Variants in PPP6R2 observed in about 807,000 individuals in gnomAD.
PPP6R2 encodes the protein serine/threonine-protein phosphatase 6 regulatory subunit 2.
In PPP6R2, 62 loss-of-function variants were observed where a neutral mutation model predicts 100.2. The ratio of observed to expected loss-of-function variants is 0.62; its 90% confidence interval spans 0.50 to 0.76. PPP6R2 has a LOEUF of 0.76. PPP6R2 is among the 30% of genes least tolerant of loss of function. The probability of loss-of-function intolerance (pLI) is 0.00; values close to 1 mark genes in which losing one functional copy is unlikely to be tolerated. For synonymous variants in PPP6R2, 525 were observed against 514.7 expected (o/e 1.02, Z -0.27); for missense variants, 1,142 against 1,276.3 (o/e 0.89, Z 1.60).
intron 1 of PPP6R2, among the ~76,000 whole-genome samples, chr22:50,363,442 CT>C (rs2048171535): frequency 6.6e-6 from 1 of 152,194 alleles, no homozygotes; most frequent in Non-Finnish European, 1.5e-5. Context: ...AGCAAGCTTC[CT>C]TTTTTTCCCT....
intron 2 of PPP6R2, among the ~76,000 whole-genome samples, chr22:50,392,954 A>T (rs1411812773): frequency 1.3e-5 from 2 of 152,252 alleles, no homozygotes; most frequent in Admixed American, 1.3e-4. Flanking sequence ...TATAATTTTT[A>T]AAATGTTTCA....
Position 50,440,838 on chromosome 22 carries a change from A to G in PPP6R2, c.2391A>G (p.Pro797=). Reference sequence around the variant, plus strand: ...ACTTTGCAGTCAGCCCGGCTTCTCCATGTGCCTGGAACGTGTGTGTCACCA... The same window carrying G: ...ACTTTGCAGTCAGCCCGGCTTCTCCGTGTGCCTGGAACGTGTGTGTCACCA... ...GPEKAFSPAS[P]CAWNVCVTRK... Residue 797 remains proline, a synonymous_variant, in exon 22 of 24, where the codon CCA becomes CCG. Transcript: ENST00000612753. 6.2e-7 allele frequency: 1 copy of G among 1,613,550 alleles called. No individual in the cohort carries two copies. Among genetic ancestry groups the G allele is most frequent in the Non-Finnish European group, 8.5e-7 (1 of 1,179,986 alleles).
intron 2 of PPP6R2, among the ~76,000 whole-genome samples, chr22:50,374,599 T>C (rs1360287642): frequency 2.0e-5 from 3 of 152,148 alleles, no homozygotes; most frequent in African/African-American, 7.2e-5. Flanking sequence ...AATCACAATA[T>C]GTCCCAATCA....
intron 2 of PPP6R2, among the ~76,000 whole-genome samples, chr22:50,389,414 GA>G: frequency 6.6e-6 from 1 of 151,902 alleles, no homozygotes; most frequent in Non-Finnish European, 1.5e-5. Flanking sequence ...AGAAAACTTG[GA>G]AAAAAGAAGT....
intron 13 of PPP6R2, among the ~76,000 whole-genome samples, chr22:50,435,428 G>T (rs1365916648): frequency 6.6e-6 from 1 of 152,232 alleles, no homozygotes; most frequent in Non-Finnish European, 1.5e-5. Context: ...GCCTGGCTAG[G>T]CTGTCCTGGC....
At chr22:50,425,456 T>TG (rs2147913258) in intron 10 of PPP6R2, among the ~76,000 whole-genome samples, 1 of 152,326 alleles carries the variant, frequency 6.6e-6, no homozygotes, top group Admixed American at 6.5e-5. Flanking sequence ...GCTGTATATG[T>TG]GGGTGTACAA....
At chr22:50,364,094 A>C (rs1305230178) in intron 1 of PPP6R2, among the ~76,000 whole-genome samples, 4 of 151,862 alleles carry the variant, frequency 2.6e-5, no homozygotes, top group Non-Finnish European at 5.9e-5. Context: ...ACGGGGTTGC[A>C]CCATGTTAAC....
At chr22:50,422,177 G>A in intron 8 of PPP6R2, 77 bp from the exon 9 acceptor site, 1 of 1,545,516 alleles carries the variant, frequency 6.5e-7, no homozygotes, top group Non-Finnish European at 8.8e-7. Flanking sequence ...TCTGGAAGAA[G>A]CGGGTGCACT....
chr22:50,372,162 T>G lies in PPP6R2; in HGVS notation c.-17+12T>G, dbSNP rs2050349140. ...GATTTCCACAGAAGGTAAGATAAGT[T>G]TCTTTTTCAATTTGATTCTGTTTTA... On this transcript the variant is annotated intron_variant, in intron 2 of 23. Coordinates refer to ENST00000612753, the MANE Select transcript of PPP6R2 (RefSeq NM_001242898.2). 6.6e-6 allele frequency: 1 copy of G among 152,230 alleles called. No individual in the cohort carries two copies. Among genetic ancestry groups the G allele is most frequent in the African/African-American group, 2.4e-5 (1 of 41,460 alleles). 9.4% of individuals were successfully genotyped at this position (152,230 alleles called of 1,614,324 possible). A position where few individuals can be genotyped will look rare whatever the true frequency, so the allele number is the denominator to read the frequency against.
upstream of PPP6R2, among the ~76,000 whole-genome samples, chr22:50,340,593 TGTGTGTG>T (rs1007554885): frequency 3.4e-5 from 4 of 118,334 alleles, no homozygotes; most frequent in African/African-American, 4.1e-5. Flanking sequence ...GTGTGGTGTG[TGTGTGTG>T]GTGTGTGGTG....
At chr22:50,417,136 C>T (rs941249677) in intron 6 of PPP6R2, among the ~76,000 whole-genome samples, 4 of 152,140 alleles carry the variant, frequency 2.6e-5, no homozygotes, top group Non-Finnish European at 5.9e-5. Context: ...TCACAAAATA[C>T]AGTCATCTCA....
Position 50,365,693 on chromosome 22 carries a change from A to T in PPP6R2, c.-147-6327A>T, listed in dbSNP as rs1427874696. On this transcript the variant is annotated intron_variant, in intron 1 of 23. Coordinates refer to ENST00000612753, the MANE Select transcript of PPP6R2 (RefSeq NM_001242898.2). ...GACTCTGTCTCAAAAAAAAAAAAAA[A>T]AGAACCATTTAAATGTCCTTATCAA... 2.6e-5 allele frequency among the ~76,000 whole-genome samples: 4 copies of T among 151,238 alleles called. No homozygotes were observed. The East Asian group carries it at 7.9e-4, about 30-fold the overall frequency.
At chr22:50,353,496 C>T (rs1027423583) in intron 1 of PPP6R2, among the ~76,000 whole-genome samples, 2 of 152,008 alleles carry the variant, frequency 1.3e-5, no homozygotes, top group Non-Finnish European at 2.9e-5. Flanking sequence ...CAAACATCAC[C>T]GATAACAGGT....
At chr22:50,419,128 G>A (rs1364279810) in intron 7 of PPP6R2, 149 bp downstream of exon 7, 1 of 779,034 alleles carries the variant, frequency 1.3e-6, no homozygotes, top group Non-Finnish European at 2.1e-6. Context: ...TGTTAACTTG[G>A]GGCCTGTTTC....
chr22:50,435,714 G>A (rs1261140551), intron 13 of PPP6R2, among the ~76,000 whole-genome samples: 1 of 152,170 alleles, frequency 6.6e-6, no homozygotes, highest in East Asian at 1.9e-4. Context: ...CCCTGGCGAG[G>A]TCAGGCCTGC....
At chr22:50,357,824 C>G (rs1466571031) in intron 1 of PPP6R2, among the ~76,000 whole-genome samples, 1 of 152,136 alleles carries the variant, frequency 6.6e-6, no homozygotes, top group African/African-American at 2.4e-5. Context: ...CAGGGTTTCA[C>G]TATGTTGGCC....
chr22:50,439,754 C>G lies in PPP6R2; in HGVS notation c.2182C>G (p.Pro728Ala), dbSNP rs143138513. 1.8e-4 allele frequency: 293 copies of G among 1,613,556 alleles called. No individual in the cohort carries two copies. In the African/African-American group the frequency reaches 3.4e-3, roughly 19 times the overall value. The change falls in exon 20 of 24, where the codon CCA becomes GCA. Residue 728 changes from proline to alanine, a missense_variant. Physicochemically the swap from Pro to Ala is conservative, Grantham distance 27. Around this residue, in one of 2 missense-constraint regions of PPP6R2, gnomAD observed 550 missense variants for 517.4 expected, o/e 1.06. Coordinates refer to ENST00000612753, the MANE Select transcript of PPP6R2 (RefSeq NM_001242898.2). ...DEPANSTPTA[P>A]GVVRDVGSSV... Reference sequence around the variant, plus strand: ...GCCAGCGAACTCAACGCCCACAGCCCCAGGAGTGGTGAGGGACGTGGGTTC... The same window carrying G: ...GCCAGCGAACTCAACGCCCACAGCCGCAGGAGTGGTGAGGGACGTGGGTTC...
intron 6 of PPP6R2, among the ~76,000 whole-genome samples, 183 bp from the exon 7 acceptor site, chr22:50,418,684 C>G (rs2060884128): frequency 6.6e-6 from 1 of 151,434 alleles, no homozygotes; most frequent in South Asian, 2.1e-4. Context: ...TTGTGCCTGG[C>G]CAAAAGTCCC....
At chr22:50,394,925 A>AAAAAG in intron 3 of PPP6R2, among the ~76,000 whole-genome samples, 1 of 150,910 alleles carries the variant, frequency 6.6e-6, no homozygotes, top group East Asian at 1.9e-4. Flanking sequence ...AAAAAAAAAA[A>AAAAAG]AAAAAAAAGA....
Sources: gnomAD v4.1 joint callset for allele counts (sites outside exome capture counted in the v4.1 genomes callset) on GRCh38, gnomAD v4.1.1 for gene constraint, gnomAD v4.1.1 regional missense constraint, MANE v1.5 for transcripts, NCBI Gene and HGNC (gene_info 2026-07-23, HGNC 2026-07-21) for gene names.